Variants in ZNF536 observed in about 807,000 individuals in gnomAD.
ZNF536 encodes the protein zinc finger protein 536.
A neutral mutation model predicts 84.5 loss-of-function variants in ZNF536; 13 were observed. That is an observed-to-expected ratio of 0.15 (90% CI 0.10 to 0.24). The LOEUF is 0.24. Among genes scored for constraint, ZNF536 ranks in the 10% least tolerant of loss-of-function variants. ZNF536 has a pLI of 1.00. For missense variants in ZNF536, 1,536 were observed against 1,747.5 expected (o/e 0.88, Z 2.16); for synonymous variants, 811 against 742.5 (o/e 1.09, Z -1.50).
At chr19:30,636,882 C>G (rs1433634629) in intron 1 of ZNF536, among the ~76,000 whole-genome samples, 1 of 152,134 alleles carries the variant, frequency 6.6e-6, no homozygotes, top group Non-Finnish European at 1.5e-5. Context: ...TTCTGGCTAC[C>G]CTGGTTTCGA....
exon 2 of ZNF536, chr19:30,712,676 C>T (rs1233595193): frequency 6.6e-6 from 1 of 152,158 alleles, no homozygotes; most frequent in African/African-American, 2.4e-5. Context: ...CGCTGTGCAA[C>T]TTGGACCCAT....
chr19:30,628,931 C>G (rs1273037445), intron 1 of ZNF536, among the ~76,000 whole-genome samples: 1 of 152,172 alleles, frequency 6.6e-6, no homozygotes, highest in African/African-American at 2.4e-5. Context: ...TCTTGAACTC[C>G]TCACCTTGTG....
chr19:30,522,052 GCCATTCGCAGGGCACCA>G (rs980187137), intron 2 of ZNF536, among the ~76,000 whole-genome samples: 1 of 151,512 alleles, frequency 6.6e-6, no homozygotes, highest in African/African-American at 2.4e-5. Context: ...GACCGGGAGG[GCCATTCGCAGGGCACCA>G]CCCAGGGCTT....
At chr19:30,494,751 G>A (rs763744747) in intron 2 of ZNF536, among the ~76,000 whole-genome samples, 1 of 152,078 alleles carries the variant, frequency 6.6e-6, no homozygotes, top group African/African-American at 2.4e-5. Context: ...TTCAAGAACA[G>A]CCTGGCCAAC....
intron 2 of ZNF536, among the ~76,000 whole-genome samples, chr19:30,473,010 G>A (rs983913414): frequency 6.8e-6 from 1 of 147,754 alleles, no homozygotes; most frequent in Admixed American, 6.8e-5. Context: ...TGGCCAACAT[G>A]GTGTAAACCG....
intron 1 of ZNF536, among the ~76,000 whole-genome samples, chr19:30,250,957 A>G (rs1035496744): frequency 3.3e-5 from 5 of 151,790 alleles, no homozygotes; most frequent in African/African-American, 1.2e-4. Context: ...GGAGTTTCCA[A>G]AGCACATATG....
At chr19:30,693,249 C>T (rs1270309747) in intron 1 of ZNF536, among the ~76,000 whole-genome samples, 1 of 152,196 alleles carries the variant, frequency 6.6e-6, no homozygotes, top group Non-Finnish European at 1.5e-5. Flanking sequence ...CCACAAGGTG[C>T]CCTTATCCCT....
chr19:30,291,900 C>T (rs563541248), intron 2 of ZNF536, among the ~76,000 whole-genome samples: 1 of 152,108 alleles, frequency 6.6e-6, no homozygotes, highest in Non-Finnish European at 1.5e-5. Context: ...TTTCGTGATA[C>T]CGGGACATTG....
At chr19:30,293,983 C>T (rs1028883053) in intron 2 of ZNF536, among the ~76,000 whole-genome samples, 18 of 152,044 alleles carry the variant, frequency 1.2e-4, no homozygotes, top group Admixed American at 3.3e-4. Context: ...AAGTTTGGGT[C>T]TTGACCTGGT....
chr19:30,482,879 G>C (rs887480284), intron 2 of ZNF536, among the ~76,000 whole-genome samples: 1 of 152,174 alleles, frequency 6.6e-6, no homozygotes, highest in African/African-American at 2.4e-5. Flanking sequence ...GTGGGCTTCA[G>C]CAAGCTTCTA....
chr19:30,699,223 T>C (rs2051791493), intron 1 of ZNF536, among the ~76,000 whole-genome samples: 1 of 152,166 alleles, frequency 6.6e-6, no homozygotes, highest in East Asian at 1.9e-4. Context: ...CTGGTTCCCT[T>C]TTTTTGGGAG....
At chr19:30,611,872 G>A (rs551769106) in intron 1 of ZNF536, among the ~76,000 whole-genome samples, 1 of 152,302 alleles carries the variant, frequency 6.6e-6, no homozygotes, top group African/African-American at 2.4e-5. Context: ...GCAAATATAT[G>A]CCTGTGCCCT....
chr19:30,507,088 G>T (rs939322797), intron 2 of ZNF536, among the ~76,000 whole-genome samples: 10 of 152,188 alleles, frequency 6.6e-5, no homozygotes, highest in African/African-American at 2.2e-4. Flanking sequence ...CTGGCTGGGC[G>T]TGGTGGCTCA....
rs913258421 is a variant in ZNF536 at position 30,279,096 on chromosome 19, G to A, written c.-189-4976G>A. Among the ~76,000 whole-genome samples, 10 of 152,164 alleles carry A rather than the reference G, an allele frequency of 6.6e-5. 1 individual carries two copies. The South Asian group carries it at 1.7e-3, about 25-fold the overall frequency. On this transcript the variant is annotated intron_variant, in intron 1 of 5. Coordinates refer to the ZNF536 transcript ENST00000585628. ...CACTCTTCCTGTACCGCCGTTGCCCGCATTCTCGCAGGGCTCACTCCCTTA... is the reference window on the plus strand; with the variant it reads ...CACTCTTCCTGTACCGCCGTTGCCCACATTCTCGCAGGGCTCACTCCCTTA...
chr19:30,253,686 G>C (rs989201369), intron 1 of ZNF536, among the ~76,000 whole-genome samples: 4 of 152,170 alleles, frequency 2.6e-5, no homozygotes, highest in African/African-American at 9.7e-5. Flanking sequence ...GCGGGTGGAC[G>C]GGAGGAGTCG....
At chr19:30,645,177 T>C (rs557930538) in intron 1 of ZNF536, among the ~76,000 whole-genome samples, 73 of 152,330 alleles carry the variant, frequency 4.8e-4, no homozygotes, top group African/African-American at 1.7e-3. Flanking sequence ...TTTTGAGAAA[T>C]GTCTGTTCAT....
In ZNF536 at chr19:30,445,681, A is replaced by C. The variant is rs2148234753; in HGVS notation, c.2119A>C (p.Thr707Pro). The C allele has an allele frequency of 1.9e-6, 3 of 1,602,836 alleles. No homozygotes were observed. Among genetic ancestry groups the C allele is most frequent in the Non-Finnish European group, 2.6e-6 (3 of 1,174,008 alleles). Residue 707 changes from threonine (T) to proline (P), a missense_variant, in exon 2 of 5, where the codon ACC (threonine) becomes CCC (proline). Thr to Pro is a conservative substitution (Grantham distance 38, BLOSUM62 -1). Transcript: ENST00000355537. This position sits in a 1 kb window ranked among gnomAD's most constrained non-coding sequence, Gnocchi z 4.5. Reference protein sequence around the residue: ...ESGVGGGLSQTGSAQEDSPHP... With the variant: ...ESGVGGGLSQPGSAQEDSPHP... ...CGGGGTCGGAGGCGGCCTCTCCCAG[A>C]CCGGGAGTGCCCAGGAGGACAGCCC...
chr19:30,256,292 A>G (rs954241780), intron 1 of ZNF536, among the ~76,000 whole-genome samples: 1 of 152,232 alleles, frequency 6.6e-6, no homozygotes, highest in African/African-American at 2.4e-5. Context: ...AAGACGTCGT[A>G]TGCGATTCCT....
At chr19:30,607,442 G>A (rs1466751521) in intron 1 of ZNF536, among the ~76,000 whole-genome samples, 4 of 151,852 alleles carry the variant, frequency 2.6e-5, no homozygotes, top group East Asian at 1.9e-4. Flanking sequence ...AAAAGTAGCC[G>A]GGCACAGTGT....
Sources: allele counts gnomAD v4.1 joint callset (sites outside exome capture counted in the v4.1 genomes callset), GRCh38; gene constraint gnomAD v4.1.1; non-coding constraint Gnocchi (gnomAD v3.1); transcripts MANE v1.5; gene names NCBI Gene and HGNC (gene_info 2026-07-23, HGNC 2026-07-21).